The following SND1 variants were observed in gnomAD, a reference collection of about 807,000 sequenced individuals.
The protein encoded by SND1 is staphylococcal nuclease domain-containing protein 1.
In SND1, 38 loss-of-function variants were observed where a neutral mutation model predicts 121.7. The observed-to-expected ratio is 0.31, with a 90% CI of 0.24 to 0.41. The LOEUF is 0.41. SND1 is among the 10% of genes least tolerant of loss of function. SND1 has a pLI of 1.00. For synonymous variants in SND1, 401 were observed against 447.4 expected (o/e 0.90, Z 1.31); for missense variants, 868 against 1,184.6 (o/e 0.73, Z 3.92).
At chr7:127,842,475 C>T (rs1484223982) in intron 11 of SND1, among the ~76,000 whole-genome samples, 1 of 152,060 alleles carries the variant, frequency 6.6e-6, no homozygotes, top group Non-Finnish European at 1.5e-5. Flanking sequence ...GCATTTTGTG[C>T]GTCTAACTTC....
At chr7:128,009,420 C>T (rs1455752510) in intron 16 of SND1, among the ~76,000 whole-genome samples, 1 of 152,164 alleles carries the variant, frequency 6.6e-6, no homozygotes, top group Non-Finnish European at 1.5e-5. Flanking sequence ...GGAAACTACT[C>T]ATTGCAGGCA....
intron 17 of SND1, among the ~76,000 whole-genome samples, chr7:128,077,506 T>A (rs1461976004): frequency 6.6e-6 from 1 of 152,182 alleles, no homozygotes; most frequent in African/African-American, 2.4e-5. Flanking sequence ...CTGGAGCAGA[T>A]GAACAGGCAG....
At chr7:127,671,944 GA>G (rs1795524539) in intron 1 of SND1, among the ~76,000 whole-genome samples, 1 of 152,150 alleles carries the variant, frequency 6.6e-6, no homozygotes, top group African/African-American at 2.4e-5. Flanking sequence ...ACCACATAAA[GA>G]ACACTTGTTT....
Position 127,888,063 on chromosome 7 carries a change from T to A in SND1, c.1454+51T>A, listed in dbSNP as rs768551529. The A allele has an allele frequency of 9.1e-6, 12 of 1,312,224 alleles. No individual in the cohort carries two copies. The South Asian group carries it at 1.5e-4, about 16-fold the overall frequency. The allele number at this position is 1,312,224 out of a possible 1,614,324, so 81.3% of individuals were successfully genotyped here. A position where few individuals can be genotyped will look rare whatever the true frequency, so the allele number is the denominator to read the frequency against. On this transcript the variant is annotated intron_variant, in intron 13 of 23. Transcript: ENST00000354725. Reference sequence around the variant, plus strand: ...TGGGGAACCCACACCCTCACTTTTTTCTTTCCCAGTTTTGTGCCTATACCT... The same window carrying A: ...TGGGGAACCCACACCCTCACTTTTTACTTTCCCAGTTTTGTGCCTATACCT...
At chr7:127,692,786 C>G (rs1360934765) in intron 2 of SND1, among the ~76,000 whole-genome samples, 2 of 152,186 alleles carry the variant, frequency 1.3e-5, no homozygotes, top group African/African-American at 4.8e-5. Context: ...GGCATATGTC[C>G]TTTGCAAGAC....
At chr7:128,068,676 G>A (rs1440559508) in intron 16 of SND1, among the ~76,000 whole-genome samples, 1 of 152,150 alleles carries the variant, frequency 6.6e-6, no homozygotes, top group Non-Finnish European at 1.5e-5. Context: ...TTTCAGCCAC[G>A]GAGCTGGGGG....
chr7:128,081,808 G>C, intron 18 of SND1: 1 of 585,064 alleles, frequency 1.7e-6, no homozygotes, highest in Non-Finnish European at 3.4e-6. Flanking sequence ...AGTCTCTTAG[G>C]TGATTGTTTG....
chr7:128,033,135 C>T (rs1393666613), intron 16 of SND1, among the ~76,000 whole-genome samples: 2 of 152,200 alleles, frequency 1.3e-5, no homozygotes, highest in African/African-American at 4.8e-5. Flanking sequence ...TTGGCTAGGA[C>T]TCTGAGAAGA....
intron 10 of SND1, among the ~76,000 whole-genome samples, chr7:127,730,194 C>T (rs183096013): frequency 1.1e-3 from 173 of 152,232 alleles, no homozygotes; most frequent in Non-Finnish European, 1.7e-3. Flanking sequence ...TCTCAAACTC[C>T]GACCTCAGGT....
chr7:127,867,486 C>T (rs1321966173), intron 12 of SND1, among the ~76,000 whole-genome samples: 1 of 152,116 alleles, frequency 6.6e-6, no homozygotes, highest in Non-Finnish European at 1.5e-5. Flanking sequence ...GGCTTCCCAC[C>T]TATATTCAAC....
intron 15 of SND1, among the ~76,000 whole-genome samples, chr7:127,945,258 C>T (rs557245924): frequency 1.3e-4 from 20 of 152,202 alleles, no homozygotes; most frequent in South Asian, 6.2e-4. Flanking sequence ...TTTGGGAGGC[C>T]GAGGTGGGCG....
chr7:127,652,402 C>T lies in SND1; in HGVS notation c.29C>T (p.Ser10Phe), dbSNP rs573817359. The T allele has an allele frequency of 1.9e-6, 3 of 1,597,854 alleles. No homozygotes were observed. The highest frequency in any genetic ancestry group is 2.3e-5 in the East Asian group (1 of 44,162). Residue 10 changes from serine (S) to phenylalanine (F), a missense_variant, in exon 1 of 24, where the codon TCC (serine) becomes TTC (phenylalanine). This residue lies in a region of SND1 where 125 missense variants were observed against 113.3 expected (regional missense o/e 1.10). Transcript: ENST00000354725. ...GCGTCCTCCGCGCAGAGCGGCGGCT[C>T]CTCCGGGGGACCCGCGGTCCCCACC... Reference protein sequence around the residue: MASSAQSGGSSGGPAVPTVQ... With the variant: MASSAQSGGFSGGPAVPTVQ...
intron 16 of SND1, chr7:127,999,750 T>C (rs944597409): frequency 2.0e-5 from 3 of 152,172 alleles, no homozygotes; most frequent in African/African-American, 7.2e-5. Flanking sequence ...TTGCCACTCA[T>C]GGTATTCGAT....
rs4728083 is a variant in SND1, at chr7:128,051,766, A to C, written c.1780-22736A>C. Reference sequence around the variant, plus strand: ...ATACCAATGGTTGTCATGTGGAAGGAGGCAAGGAACGAACACTTGTGTACT... The same window carrying C: ...ATACCAATGGTTGTCATGTGGAAGGCGGCAAGGAACGAACACTTGTGTACT... On this transcript the variant is annotated intron_variant, in intron 16 of 23. Transcript: ENST00000354725. Among the ~76,000 whole-genome samples, 935 of 152,346 alleles carry C rather than the reference A, an allele frequency of 6.1e-3. 4 individuals carry two copies. Among genetic ancestry groups the C allele is most frequent in the Middle Eastern group, 0.014 (4 of 294 alleles).
chr7:128,014,536 A>G (rs1488150035), intron 16 of SND1, among the ~76,000 whole-genome samples: 3 of 152,172 alleles, frequency 2.0e-5, no homozygotes, highest in African/African-American at 7.2e-5. Context: ...CCTTTCCCAA[A>G]GGCGGGTGGG....
At chr7:127,767,853 A>C (rs538203339) in intron 10 of SND1, among the ~76,000 whole-genome samples, 3 of 152,188 alleles carry the variant, frequency 2.0e-5, no homozygotes, top group Non-Finnish European at 4.4e-5. Flanking sequence ...CATATATGGT[A>C]TATCAGTACG....
intron 8 of SND1, among the ~76,000 whole-genome samples, chr7:127,706,252 T>TC (rs796132526): frequency 0.63 from 39,649 of 63,214 alleles, 11,348 homozygotes; most frequent in Middle Eastern, 0.68. Context: ...TTGCCCCCCC[T>TC]CCCCCCCCCC....
At chr7:127,888,712 T>C (rs187392766) in intron 13 of SND1, among the ~76,000 whole-genome samples, 193 of 152,220 alleles carry the variant, frequency 1.3e-3, no homozygotes, top group African/African-American at 4.3e-3. Flanking sequence ...GAGCTACTTA[T>C]TGCTGAACTG....
At chr7:127,687,702 T>C (rs887560234) in intron 2 of SND1, among the ~76,000 whole-genome samples, 2 of 152,116 alleles carry the variant, frequency 1.3e-5, no homozygotes, top group African/African-American at 2.4e-5. Context: ...TTTTGTTTTG[T>C]TTTGAGACAA....
Sources: gnomAD v4.1 joint callset for allele counts (sites outside exome capture counted in the v4.1 genomes callset) on GRCh38, gnomAD v4.1.1 for gene constraint, gnomAD v4.1.1 regional missense constraint, MANE v1.5 for transcripts, NCBI Gene and HGNC (gene_info 2026-07-23, HGNC 2026-07-21) for gene names.